PYGM: variants seen among roughly 807,000 people sequenced by gnomAD.
PYGM encodes glycogen phosphorylase, muscle associated.
In PYGM, 81 loss-of-function variants were observed where a neutral mutation model predicts 99.3. The observed-to-expected ratio is 0.82, with a 90% CI of 0.68 to 0.98. PYGM has a LOEUF of 0.98. Among genes scored for constraint, PYGM ranks in the 50% least tolerant of loss-of-function variants. PYGM has a pLI of 0.00. For missense variants in PYGM, 1,030 were observed against 1,158.1 expected, an observed-to-expected ratio of 0.89 and a Z score of 1.61; for synonymous variants, 436 against 451.5, an observed-to-expected ratio of 0.97 and a Z score of 0.44.
chr11:64,754,489 G>A lies in PYGM; in HGVS notation c.1000-144C>T. The A allele has an allele frequency of 1.0e-6, 1 of 961,876 alleles. No individual in the cohort carries two copies. The highest frequency in any genetic ancestry group is 1.6e-6 in the Non-Finnish European group (1 of 635,952). The allele number at this position is 961,876 out of a possible 1,614,324, so 59.6% of individuals were successfully genotyped here. ...CAGAGGCAGGCCGGTGCTCATGGGG[G>A]TGGGAGGAATGGGGGGAGTGGGGCG... On this transcript the variant is annotated intron_variant, in intron 8 of 19. Coordinates refer to ENST00000164139, the MANE Select transcript of PYGM (RefSeq NM_005609.4). The surrounding 1 kb of genome is among the most constrained non-coding windows in gnomAD (Gnocchi z 5.5).
intron 5 of PYGM, among the ~76,000 whole-genome samples, chr11:64,756,256 T>C (rs2058393865): frequency 6.6e-6 from 1 of 152,204 alleles, no homozygotes; most frequent in Admixed American, 6.5e-5. Flanking sequence ...CCAGGTCTCC[T>C]GCCTTCCAGC....
chr11:64,752,976 T>C (rs979400615), intron 12 of PYGM, 97 bp downstream of exon 12: 31 of 1,151,082 alleles, frequency 2.7e-5, no homozygotes, highest in Non-Finnish European at 3.4e-5. Flanking sequence ...AGCCTTCAGC[T>C]GGGAGCCCTG....
chr11:64,757,306 C>T (rs2058399985), intron 5 of PYGM, among the ~76,000 whole-genome samples: 1 of 152,138 alleles, frequency 6.6e-6, no homozygotes, highest in African/African-American at 2.4e-5. Context: ...CATACTGTCA[C>T]CTCGGCCTTC....
At chr11:64,750,221 G>A (rs1400148510) in intron 17 of PYGM, among the ~76,000 whole-genome samples, 155 bp downstream of exon 17, 6 of 151,738 alleles carry the variant, frequency 4.0e-5, no homozygotes, top group Non-Finnish European at 8.8e-5. Flanking sequence ...CTTATTTGCT[G>A]TAAGCGCCCT....
rs185836330 is a variant in PYGM, at chr11:64,749,208, G to A, written c.2177+1168C>T. 2.1e-3 allele frequency among the ~76,000 whole-genome samples: 322 copies of A among 151,796 alleles called. 2 individuals are homozygous for A. The highest frequency in any genetic ancestry group is 7.2e-3 in the African/African-American group (298 of 41,370). On this transcript the variant is annotated intron_variant, in intron 17 of 19. Coordinates refer to ENST00000164139, the MANE Select transcript of PYGM (RefSeq NM_005609.4). ...CTAAAAATACAAAAATTAGCTGGGC[G>A]TGGTGGTGGGTATCTGTAATCCCAG...
chr11:64,753,528 T>C lies in PYGM; in HGVS notation c.1394A>G (p.Lys465Arg). The change falls in exon 11 of 20, where the codon AAG becomes AGG. Residue 465 changes from lysine (K) to arginine (R), a missense_variant. By Grantham distance (26) the Lys-to-Arg change is conservative. Coordinates refer to ENST00000164139, the MANE Select transcript of PYGM (RefSeq NM_005609.4). Reference protein sequence around the residue: ...GVARIHSEILKKTIFKDFYEL... With the variant: ...GVARIHSEILRKTIFKDFYEL... ...GGAAAGCGGGGCTCACATGGTCTTC[T>C]TGAGGATCTCGGAGTGGATGCGCGC... 2 of 1,592,912 alleles carry C rather than the reference T, an allele frequency of 1.3e-6. No individual in the cohort carries two copies. Among genetic ancestry groups the C allele is most frequent in the African/African-American group, 1.3e-5 (1 of 74,758 alleles).
chr11:64,753,789 C>T lies in PYGM; in HGVS notation c.1239+90G>A, dbSNP rs919330519. On this transcript the variant is annotated intron_variant, in intron 10 of 19. Transcript: ENST00000164139. Reference sequence around the variant, plus strand: ...CCCAGTGCCCCCACTGCCCCAGAGTCTCAGGGCCCTGGCTGGACGCCCCGA... The same window carrying T: ...CCCAGTGCCCCCACTGCCCCAGAGTTTCAGGGCCCTGGCTGGACGCCCCGA... The T allele has an allele frequency of 5.2e-6, 8 of 1,542,084 alleles. No individual in the cohort carries two copies. In the Admixed American group the frequency reaches 5.9e-5, roughly 11 times the overall value.
At chr11:64,751,057 A>G (rs558947384) in intron 16 of PYGM, 117 of 415,212 alleles carry the variant, frequency 2.8e-4, no homozygotes, top group Non-Finnish European at 4.4e-4. Context: ...ACGCCCAGCT[A>G]ATTTTTGTAT....
At chr11:64,747,538 AT>A in intron 17 of PYGM, 180 bp from the exon 18 acceptor site, 2 of 715,252 alleles carry the variant, frequency 2.8e-6, no homozygotes, top group South Asian at 3.4e-5. Flanking sequence ...TCAGCTTTTC[AT>A]CCCTCCTTTG....
rs761000462 is a variant in PYGM at position 64,746,523 on chromosome 11, G to C, written c.*136C>G. ...TAGTCACGCTGGACACTGGGACATT[G>C]AGAGTGGGGAAAATGAGGGTTCCAG... On this transcript the variant is annotated 3_prime_UTR_variant, in exon 20 of 20. Transcript: ENST00000164139. The C allele has an allele frequency of 2.9e-5, 36 of 1,250,876 alleles. No homozygotes were observed. Among genetic ancestry groups the C allele is most frequent in the Non-Finnish European group, 4.0e-5 (35 of 876,700 alleles). The allele number at this position is 1,250,876 out of a possible 1,614,324, so 77.5% of individuals were successfully genotyped here.
rs2058311535 is a variant in PYGM at position 64,746,729 on chromosome 11, T to C, written c.2459A>G (p.Gln820Arg). Residue 820 changes from glutamine to arginine, a missense_variant, in exon 20 of 20, where the codon CAG becomes CGG. Coordinates refer to ENST00000164139, the MANE Select transcript of PYGM (RefSeq NM_005609.4). Reference sequence around the variant, plus strand: ...CACACCCCAGATCTCCCGGGCATACTGGGCAATGGTGCGGTCACTGGAGAA... The same window carrying C: ...CACACCCCAGATCTCCCGGGCATACCGGGCAATGGTGCGGTCACTGGAGAA... Reference protein sequence around the residue: ...GKFSSDRTIAQYAREIWGVEP... With the variant: ...GKFSSDRTIARYAREIWGVEP... The C allele has an allele frequency of 6.2e-7, 1 of 1,614,172 alleles. No homozygotes were observed. The highest frequency in any genetic ancestry group is 1.3e-5 in the African/African-American group (1 of 75,022).
Position 64,750,519 on chromosome 11 carries a change from G to A in PYGM, c.2034C>T (p.Gly678=). Reference sequence around the variant, plus strand: ...CCCCGTTGAGCATGAACTTCATGTTGCCGGTGCCTGAGGCTTCAGTGCCCG... The same window carrying A: ...CCCCGTTGAGCATGAACTTCATGTTACCGGTGCCTGAGGCTTCAGTGCCCG... The part of the protein sequence containing the change: ...STAGTEASGT[G]NMKFMLNGAL... Residue 678 remains glycine, a synonymous_variant, in exon 17 of 20, where the codon GGC becomes GGT. Transcript: ENST00000164139. 1 of 1,614,204 alleles carries A rather than the reference G, an allele frequency of 6.2e-7. No homozygotes were observed. Among genetic ancestry groups the A allele is most frequent in the Non-Finnish European group, 8.5e-7 (1 of 1,180,040 alleles).
At chr11:64,760,496 C>T (rs1329051270), upstream of PYGM, among the ~76,000 whole-genome samples, 1 of 152,244 alleles carries the variant, frequency 6.6e-6, no homozygotes, top group Admixed American at 6.5e-5. Flanking sequence ...ACTCCACCCC[C>T]ACCGAAGCTG....
chr11:64,754,233 A>C lies in PYGM; in HGVS notation c.1092+20T>G, dbSNP rs779972281. On this transcript the variant is annotated intron_variant, in intron 9 of 19. Transcript: ENST00000164139. This position sits in a 1 kb window ranked among gnomAD's most constrained non-coding sequence, Gnocchi z 5.5. ...CGAGGCAGAGAGCATCAGATGGGGC[A>C]GAGGGGCCCTGAAGCCCACCTTGTC... 1.5e-5 allele frequency: 24 copies of C among 1,601,388 alleles called. No homozygotes were observed. The highest frequency in any genetic ancestry group is 2.1e-5 in the Non-Finnish European group (24 of 1,168,792).
rs761909296 is a variant in PYGM at position 64,754,065 on chromosome 11, C to T, written c.1093-40G>A. The T allele has an allele frequency of 1.9e-6, 3 of 1,596,976 alleles. No homozygotes were observed. The highest frequency in any genetic ancestry group is 2.3e-5 in the East Asian group (1 of 43,860). ...GGGCAGTCAGGATGCTGACCTCAGC[C>T]CAGTGGGTCTCCTCACACACTACGC... On this transcript the variant is annotated intron_variant, in intron 9 of 19. Transcript: ENST00000164139. This position sits in a 1 kb window ranked among gnomAD's most constrained non-coding sequence, Gnocchi z 5.5.
Position 64,751,177 on chromosome 11 carries a change from C to CA in PYGM, c.1969+147_1969+148insT. 3 of 1,221,902 alleles carry CA rather than the reference C, an allele frequency of 2.5e-6. No individual in the cohort carries two copies. In the South Asian group the frequency reaches 3.9e-5, roughly 16 times the overall value. The allele number at this position is 1,221,902 out of a possible 1,614,324, so 75.7% of individuals were successfully genotyped here. A position where few individuals can be genotyped will look rare whatever the true frequency, so the allele number is the denominator to read the frequency against. On this transcript the variant is annotated intron_variant, in intron 16 of 19. Coordinates refer to ENST00000164139, the MANE Select transcript of PYGM (RefSeq NM_005609.4). ...AAAGTGCTGGGATTACAGGCATGGGCCACTGCGCCTGGCCTCCTCATGGTT... is the reference window on the plus strand; with the variant it reads ...AAAGTGCTGGGATTACAGGCATGGGCACACTGCGCCTGGCCTCCTCATGGTT...
chr11:64,759,987 C>G (rs2058424225), upstream of PYGM: 1 of 1,563,996 alleles, frequency 6.4e-7, no homozygotes, highest in African/African-American at 1.3e-5. Flanking sequence ...AGCTCCCCAG[C>G]CTCAAGGGGA....
intron 13 of PYGM, 109 bp from the exon 14 acceptor site, chr11:64,752,180 C>T: frequency 6.7e-7 from 1 of 1,486,648 alleles, no homozygotes; most frequent in Non-Finnish European, 9.4e-7. Context: ...GGCTCACTGG[C>T]TACTTCTGTC....
At position 64,748,091 on chromosome 11, in the gene PYGM, C is replaced by T. The variant is rs71526480; in HGVS notation, c.2178-733G>A. 6.0e-3 allele frequency: 932 copies of T among 154,402 alleles called. 5 individuals are homozygous for T. Among genetic ancestry groups the T allele is most frequent in the South Asian group, 0.016 (79 of 4,958 alleles). 9.6% of individuals were successfully genotyped at this position (154,402 alleles called of 1,614,324 possible). ...CAGCTGACCCTCAGCGCCCCCACCA[C>T]GGCTCAAAGCGCTCCACAGGCCAGT... On this transcript the variant is annotated intron_variant, in intron 17 of 19. Coordinates refer to ENST00000164139, the MANE Select transcript of PYGM (RefSeq NM_005609.4).
Sources: allele counts gnomAD v4.1 joint callset (sites outside exome capture counted in the v4.1 genomes callset), GRCh38; gene constraint gnomAD v4.1.1; non-coding constraint Gnocchi (gnomAD v3.1); transcripts MANE v1.5; gene names NCBI Gene and HGNC (gene_info 2026-07-23, HGNC 2026-07-21).